GGA3: variants seen among roughly 807,000 people sequenced by gnomAD.
GGA3 encodes golgi associated, gamma adaptin ear containing, ARF binding protein 3.
GGA3 carries 57 observed loss-of-function variants against 77.5 expected under a neutral mutation model. That is an observed-to-expected ratio of 0.74 (90% confidence interval 0.59 to 0.92). GGA3 has a LOEUF of 0.92. Among genes scored for constraint, GGA3 ranks in the 40% least tolerant of loss-of-function variants. The probability of loss-of-function intolerance (pLI) is 0.00; values close to 1 mark genes in which losing one functional copy is unlikely to be tolerated. For synonymous variants in GGA3, 416 were observed against 383.7 expected (o/e 1.08, Z -0.98); for missense variants, 970 against 914.9 (o/e 1.06, Z -0.78).
At chr17:75,240,638 G>A in intron 11 of GGA3, 174 bp downstream of exon 11, 1 of 746,512 alleles carries the variant, frequency 1.3e-6, no homozygotes, top group Non-Finnish European at 2.1e-6. Flanking sequence ...AGTCCACCGG[G>A]AGGATGGCCC....
chr17:75,240,572 C>T (rs1800849381), intron 11 of GGA3, 160 bp from the exon 12 acceptor site: 1 of 659,650 alleles, frequency 1.5e-6, no homozygotes, highest in Non-Finnish European at 2.6e-6. Context: ...TGGAGCGCTC[C>T]AGTCCATGAT....
chr17:75,252,898 C>T (rs1012856224), intron 1 of GGA3, among the ~76,000 whole-genome samples: 5 of 152,168 alleles, frequency 3.3e-5, no homozygotes, highest in Non-Finnish European at 5.9e-5. Flanking sequence ...TTAACTTCAC[C>T]GCCTATCCCA....
intron 1 of GGA3, among the ~76,000 whole-genome samples, chr17:75,261,047 T>C (rs1280486741): frequency 6.6e-6 from 1 of 152,252 alleles, no homozygotes; most frequent in Non-Finnish European, 1.5e-5. Context: ...GCATTCTGCC[T>C]GAGCGAAGCC....
intron 12 of GGA3, 46 bp from the exon 13 acceptor site, chr17:75,240,154 G>GTGGC: frequency 4.3e-6 from 2 of 465,526 alleles, no homozygotes; most frequent in Non-Finnish European, 8.4e-6. Context: ...GGTGGGGAGG[G>GTGGC]CCTGCCGCTG....
rs747373853 is a variant in GGA3 at position 75,241,707 on chromosome 17, C to G, written c.748-11G>C. 2 of 1,612,320 alleles carry G rather than the reference C, an allele frequency of 1.2e-6. No homozygotes were observed. The highest frequency in any genetic ancestry group is 1.7e-6 in the Non-Finnish European group (2 of 1,178,348). On this transcript the variant is annotated splice_polypyrimidine_tract_variant and intron_variant, in intron 8 of 16. Transcript: ENST00000537686. ...CTGATCAAACAGCTCCTGAAAGAGA[C>G]TCGGACATAAAAATCAAACCACAAA...
chr17:75,241,300 G>T, intron 10 of GGA3, 100 bp downstream of exon 10: 1 of 843,076 alleles, frequency 1.2e-6, no homozygotes, highest in Non-Finnish European at 2.0e-6. Context: ...CTTGGGCCTT[G>T]TGCAACACCA....
intron 4 of GGA3, 109 bp from the exon 5 acceptor site, chr17:75,243,679 T>C: frequency 1.8e-6 from 2 of 1,089,494 alleles, no homozygotes; most frequent in East Asian, 2.5e-5. Flanking sequence ...ATGGTCCTAC[T>C]CAAAATCTGC....
chr17:75,242,061 G>C lies in GGA3; in HGVS notation c.747+275C>G, dbSNP rs557058833. The C allele has an allele frequency of 9.8e-4, 545 of 557,708 alleles. 1 individual carries two copies. Among genetic ancestry groups the C allele is most frequent in the South Asian group, 9.7e-3 (462 of 47,412 alleles). The allele number at this position is 557,708 out of a possible 1,614,324, so 34.5% of individuals were successfully genotyped here. A position where few individuals can be genotyped will look rare whatever the true frequency, so the allele number is the denominator to read the frequency against. On this transcript the variant is annotated intron_variant, in intron 8 of 16. Transcript: ENST00000537686. ...ATGTCCCCAAGGTAGTAAGGAAAGG[G>C]AGAGAGCAGGGGTGAGCACCGAGAG...
intron 7 of GGA3, 30 bp downstream of exon 7, chr17:75,242,801 C>A: frequency 6.4e-7 from 1 of 1,562,426 alleles, no homozygotes; most frequent in Non-Finnish European, 8.8e-7. Flanking sequence ...GCTCCTCCAC[C>A]CCGTGCCTGA....
rs1225039537 is a variant in GGA3, at chr17:75,237,598, G to A, written c.*681C>T. On this transcript the variant is annotated 3_prime_UTR_variant, in exon 17 of 17. Coordinates refer to ENST00000537686, the MANE Select transcript of GGA3 (RefSeq NM_138619.4). Reference sequence around the variant, plus strand: ...TATCCCTAGTTGGGCCTGTCATGAGGCCAAATTCCATGTCCTGCCAAGATG... The same window carrying A: ...TATCCCTAGTTGGGCCTGTCATGAGACCAAATTCCATGTCCTGCCAAGATG... 7 of 1,533,280 alleles carry A rather than the reference G, an allele frequency of 4.6e-6. No homozygotes were observed. Among genetic ancestry groups the A allele is most frequent in the Non-Finnish European group, 6.1e-6 (7 of 1,145,210 alleles). The allele number at this position is 1,533,280 out of a possible 1,614,324, so 95.0% of individuals were successfully genotyped here.
chr17:75,260,992 C>A (rs1434378701), intron 1 of GGA3, among the ~76,000 whole-genome samples: 3 of 152,212 alleles, frequency 2.0e-5, no homozygotes, highest in Non-Finnish European at 2.9e-5. Context: ...GTAGAGCTCT[C>A]TGTTCTCTAT....
At position 75,238,952 on chromosome 17, in the gene GGA3, G is replaced by A; in HGVS notation, c.1912C>T (p.Pro638Ser). The change falls in exon 15 of 17, where the codon CCT becomes TCT. Residue 638 changes from proline to serine, a missense_variant. By Grantham distance (74) the Pro-to-Ser change is moderately conservative (BLOSUM62 -1). Coordinates refer to ENST00000537686, the MANE Select transcript of GGA3 (RefSeq NM_138619.4). Reference sequence around the variant, plus strand: ...GCCTGCAGCACGATGCTCTTGACAGGTAAGGGAGCCGTGTTCAGCATGGAC... The same window carrying A: ...GCCTGCAGCACGATGCTCTTGACAGATAAGGGAGCCGTGTTCAGCATGGAC... Reference protein sequence around the residue: ...VVSMLNTAPLPVKSIVLQAAV... With the variant: ...VVSMLNTAPLSVKSIVLQAAV... The A allele has an allele frequency of 1.2e-6, 2 of 1,614,146 alleles. No individual in the cohort carries two copies. The highest frequency in any genetic ancestry group is 1.7e-6 in the Non-Finnish European group (2 of 1,180,026).
rs540005497 is a variant in GGA3 at position 75,261,485 on chromosome 17, G to T, written c.40+63C>A. ...GCCGTGGAGCCCGGGGAGGGGACGT[G>T]GGGGTGAAGACAGGGGCAGCCCAGC... On this transcript the variant is annotated intron_variant, in intron 1 of 16. Transcript: ENST00000537686. 39 of 1,315,326 alleles carry T rather than the reference G, an allele frequency of 3.0e-5. No individual in the cohort carries two copies. In the South Asian group the frequency reaches 6.0e-4, roughly 20 times the overall value. The allele number at this position is 1,315,326 out of a possible 1,614,324, so 81.5% of individuals were successfully genotyped here.
chr17:75,251,436 G>A (rs75286723), intron 1 of GGA3, among the ~76,000 whole-genome samples: 1 of 151,932 alleles, frequency 6.6e-6, no homozygotes, highest in Non-Finnish European at 1.5e-5. Flanking sequence ...GCCCAGGCAC[G>A]GTGGCTCACA....
At chr17:75,239,194 C>A in intron 14 of GGA3, 111 bp from the exon 15 acceptor site, 1 of 1,072,040 alleles carries the variant, frequency 9.3e-7, no homozygotes. Flanking sequence ...CCAGTGCTTC[C>A]TAACGGAATC....
chr17:75,238,042 C>G lies in GGA3; in HGVS notation c.*237G>C, dbSNP rs1016748075. 54 of 1,335,362 alleles carry G rather than the reference C, an allele frequency of 4.0e-5. No individual in the cohort carries two copies. In the African/African-American group the frequency reaches 7.9e-4, roughly 19 times the overall value. The allele number at this position is 1,335,362 out of a possible 1,614,324, so 82.7% of individuals were successfully genotyped here. On this transcript the variant is annotated 3_prime_UTR_variant, in exon 17 of 17. Coordinates refer to ENST00000537686, the MANE Select transcript of GGA3 (RefSeq NM_138619.4). ...TGAAGTCAGGGGCCACTCCGCACCC[C>G]TGACAGCATATGGCCACTTCAAGTC...
intron 1 of GGA3, among the ~76,000 whole-genome samples, chr17:75,255,440 T>C (rs545969953): frequency 6.8e-6 from 1 of 146,062 alleles, no homozygotes; most frequent in Admixed American, 6.9e-5. Context: ...CGTCCTCCTC[T>C]TGTATTCCCC....
Position 75,237,910 on chromosome 17 carries a change from T to TAAAG in GGA3, c.*368_*369insCTTT. 2 of 1,253,240 alleles carry TAAAG rather than the reference T, an allele frequency of 1.6e-6. No homozygotes were observed. The highest frequency in any genetic ancestry group is 1.0e-6 in the Non-Finnish European group (1 of 993,688). 77.6% of individuals were successfully genotyped at this position (1,253,240 alleles called of 1,614,324 possible). A position where few individuals can be genotyped will look rare whatever the true frequency, so the allele number is the denominator to read the frequency against. On this transcript the variant is annotated 3_prime_UTR_variant, in exon 17 of 17. Coordinates refer to ENST00000537686, the MANE Select transcript of GGA3 (RefSeq NM_138619.4). The stretch of plus-strand genomic sequence containing the variant: ...GGAATGACCCATGACAGTCTCTCTT[T>TAAAG]AGAGACTCCCACCCCCCACCCCCCA...
chr17:75,257,852 G>T (rs2077209205), intron 1 of GGA3, among the ~76,000 whole-genome samples: 1 of 152,030 alleles, frequency 6.6e-6, no homozygotes, highest in Admixed American at 6.6e-5. Context: ...AAGAAGGCAG[G>T]AATGTCAGGC....
Sources: gnomAD v4.1 joint callset for allele counts (sites outside exome capture counted in the v4.1 genomes callset) on GRCh38, gnomAD v4.1.1 for gene constraint, MANE v1.5 for transcripts, NCBI Gene and HGNC (gene_info 2026-07-23, HGNC 2026-07-21) for gene names.